CWC27: variants seen among roughly 807,000 people sequenced by gnomAD.
CWC27 encodes CWC27 spliceosome associated cyclophilin.
Under a neutral mutation model 63.6 loss-of-function variants are expected in CWC27, and 47 were observed. That is an observed-to-expected ratio of 0.74 (90% CI 0.58 to 0.94). CWC27 has a LOEUF of 0.94. Ranked by LOEUF, CWC27 falls within the 40% of genes least tolerant of loss-of-function variation. The pLI is 0.00. For synonymous variants in CWC27, 175 were observed against 179.8 expected, an observed-to-expected ratio of 0.97 and a Z score of 0.22; for missense variants, 495 against 554.3, an observed-to-expected ratio of 0.89 and a Z score of 1.07.
intron 13 of CWC27, among the ~76,000 whole-genome samples, chr5:65,017,804 C>G (rs969298480): frequency 6.6e-6 from 1 of 152,158 alleles, no homozygotes; most frequent in Non-Finnish European, 1.5e-5. Context: ...CTCACTCTGG[C>G]TAAAGGAATG....
At chr5:64,980,820 GC>G (rs2112450105) in intron 13 of CWC27, among the ~76,000 whole-genome samples, 1 of 152,294 alleles carries the variant, frequency 6.6e-6, no homozygotes, top group South Asian at 2.1e-4. Flanking sequence ...GGCCAGGCAT[GC>G]TGGCTTATGC....
chr5:64,815,460 G>A (rs999971028), intron 10 of CWC27, among the ~76,000 whole-genome samples: 1 of 152,192 alleles, frequency 6.6e-6, no homozygotes, highest in Non-Finnish European at 1.5e-5. Flanking sequence ...GCCAAAGCAA[G>A]TTATATCGTT....
chr5:64,854,251 ATGCTGCTATCAACGTG>A (rs1398311619), intron 10 of CWC27, among the ~76,000 whole-genome samples: 1 of 152,228 alleles, frequency 6.6e-6, no homozygotes, highest in Non-Finnish European at 1.5e-5. Context: ...GTTGTGGATA[ATGCTGCTATCAACGTG>A]TGTGTGCAAA....
chr5:64,807,248 G>T (rs1744712461), intron 10 of CWC27, among the ~76,000 whole-genome samples: 1 of 152,120 alleles, frequency 6.6e-6, no homozygotes, highest in East Asian at 1.9e-4. Flanking sequence ...GTGTGGTATT[G>T]CTTCTATTGG....
intron 10 of CWC27, among the ~76,000 whole-genome samples, chr5:64,809,460 T>C (rs891563300): frequency 6.6e-6 from 1 of 152,152 alleles, no homozygotes; most frequent in Admixed American, 6.6e-5. Flanking sequence ...CTCTGCCTCA[T>C]GGGTTCAAGC....
At chr5:64,973,909 G>A (rs1405977884) in intron 12 of CWC27, among the ~76,000 whole-genome samples, 2 of 151,908 alleles carry the variant, frequency 1.3e-5, no homozygotes, top group East Asian at 1.9e-4. Flanking sequence ...TTTTAAAAAA[G>A]ACATTTCCAA....
chr5:64,842,986 T>C (rs920738604), intron 10 of CWC27, among the ~76,000 whole-genome samples: 3 of 152,234 alleles, frequency 2.0e-5, no homozygotes, highest in Non-Finnish European at 2.9e-5. Context: ...ATGTTTCACC[T>C]TAAAAGGAAT....
At chr5:64,961,256 G>A (rs1434555003) in intron 11 of CWC27, among the ~76,000 whole-genome samples, 1 of 152,134 alleles carries the variant, frequency 6.6e-6, no homozygotes, top group African/African-American at 2.4e-5. Flanking sequence ...TGAGACACTA[G>A]CTAAGTAATG....
chr5:65,017,775 G>GA (rs1750075710), intron 13 of CWC27, among the ~76,000 whole-genome samples: 1 of 152,198 alleles, frequency 6.6e-6, no homozygotes, highest in Non-Finnish European at 1.5e-5. Context: ...ATTGTCTTGA[G>GA]TTTTGCTCTG....
intron 10 of CWC27, among the ~76,000 whole-genome samples, chr5:64,838,462 T>C (rs1580660030): frequency 6.6e-6 from 1 of 152,308 alleles, no homozygotes; most frequent in South Asian, 2.1e-4. Flanking sequence ...CTGCCCTTTT[T>C]AAGTCACTAT....
chr5:64,777,928 A>C (rs1236619855), intron 2 of CWC27, among the ~76,000 whole-genome samples: 2 of 152,152 alleles, frequency 1.3e-5, no homozygotes, highest in African/African-American at 4.8e-5. Flanking sequence ...TATAGTGTAG[A>C]GAGTATAGAA....
At chr5:64,799,263 A>G (rs996679034) in intron 7 of CWC27, among the ~76,000 whole-genome samples, 2 of 152,138 alleles carry the variant, frequency 1.3e-5, no homozygotes, top group African/African-American at 4.8e-5. Context: ...TAGCAATGCT[A>G]TTTGAAGCAC....
At chr5:64,883,734 T>G (rs921454214) in intron 10 of CWC27, among the ~76,000 whole-genome samples, 1 of 152,116 alleles carries the variant, frequency 6.6e-6, no homozygotes, top group African/African-American at 2.4e-5. Flanking sequence ...AAGTTAGAGG[T>G]TAATAAAGCA....
chr5:64,780,667 T>C (rs538322618), intron 2 of CWC27, among the ~76,000 whole-genome samples: 61 of 137,354 alleles, frequency 4.4e-4, no homozygotes, highest in African/African-American at 1.5e-3. Context: ...TATAAACATA[T>C]ATATCACTTG....
At chr5:64,970,596 C>T (rs965459784) in intron 11 of CWC27, among the ~76,000 whole-genome samples, 1 of 152,168 alleles carries the variant, frequency 6.6e-6, no homozygotes, top group African/African-American at 2.4e-5. Flanking sequence ...CTTTACTAGG[C>T]ATGTGTGCCT....
intron 2 of CWC27, among the ~76,000 whole-genome samples, chr5:64,775,223 A>G (rs186872075): frequency 6.6e-6 from 1 of 152,282 alleles, no homozygotes; most frequent in Admixed American, 6.5e-5. Context: ...GGACTTTTCA[A>G]CTGGAGCCTT....
At chr5:64,798,704 A>G (rs181809740) in intron 7 of CWC27, among the ~76,000 whole-genome samples, 4 of 152,206 alleles carry the variant, frequency 2.6e-5, no homozygotes, top group Non-Finnish European at 5.9e-5. Flanking sequence ...CTGTTTTTCA[A>G]ATTAAAAGTG....
At chr5:64,813,789 A>C (rs186281835) in intron 10 of CWC27, among the ~76,000 whole-genome samples, 2 of 152,348 alleles carry the variant, frequency 1.3e-5, no homozygotes, top group Admixed American at 6.5e-5. Context: ...CCTGTAAATT[A>C]AATTGGAAAG....
intron 10 of CWC27, among the ~76,000 whole-genome samples, chr5:64,857,423 C>T (rs1222446879): frequency 6.6e-6 from 1 of 152,190 alleles, no homozygotes; most frequent in Admixed American, 6.5e-5. Context: ...AAGAATCACA[C>T]CCTCAAAGAT....
Sources: allele counts gnomAD v4.1 joint callset (sites outside exome capture counted in the v4.1 genomes callset), GRCh38; gene constraint gnomAD v4.1.1; transcripts MANE v1.5; gene names NCBI Gene and HGNC (gene_info 2026-07-23, HGNC 2026-07-21).